Variants in TTLL5 observed in about 807,000 individuals in gnomAD.
TTLL5 encodes tubulin polyglutamylase TTLL5.
In TTLL5, 132 loss-of-function variants were observed where a neutral mutation model predicts 168.4. The ratio of observed to expected loss-of-function variants is 0.78; its 90% CI spans 0.68 to 0.91. TTLL5 has a LOEUF of 0.91. Among genes scored for constraint, TTLL5 ranks in the 40% least tolerant of loss-of-function variants. TTLL5 has a pLI of 0.00. For synonymous variants in TTLL5, 546 were observed against 558.6 expected, an observed-to-expected ratio of 0.98 and a Z score of 0.32; for missense variants, 1,545 against 1,581.5, an observed-to-expected ratio of 0.98 and a Z score of 0.39.
intron 31 of TTLL5, among the ~76,000 whole-genome samples, chr14:75,918,497 C>T (rs1279912175): frequency 2.6e-5 from 4 of 152,140 alleles, no homozygotes; most frequent in African/African-American, 4.8e-5. Flanking sequence ...GTCCTGTCTA[C>T]TAGTACATGG....
At chr14:75,845,322 T>C (rs1896485315) in intron 28 of TTLL5, among the ~76,000 whole-genome samples, 1 of 152,188 alleles carries the variant, frequency 6.6e-6, no homozygotes, top group Non-Finnish European at 1.5e-5. Flanking sequence ...AATGTACTGG[T>C]CAAGACTGGA....
intron 28 of TTLL5, among the ~76,000 whole-genome samples, chr14:75,859,220 T>G (rs368005136): frequency 2.0e-5 from 3 of 152,188 alleles, no homozygotes; most frequent in African/African-American, 7.2e-5. Context: ...CCAGTATCCA[T>G]TTGATGGAAC....
chr14:75,863,547 T>C, intron 28 of TTLL5, 120 bp from the exon 29 acceptor site: 4 of 959,772 alleles, frequency 4.2e-6, no homozygotes, highest in Non-Finnish European at 6.1e-6. Context: ...ACAAGTAGAT[T>C]TGTAATTCCA....
At chr14:75,700,507 CT>C (rs1183520964) in intron 7 of TTLL5, among the ~76,000 whole-genome samples, 1 of 152,172 alleles carries the variant, frequency 6.6e-6, no homozygotes, top group African/African-American at 2.4e-5. Context: ...TATGAGGCCC[CT>C]CTCAAGTGCT....
At chr14:75,769,522 G>A (rs1227047473) in intron 20 of TTLL5, among the ~76,000 whole-genome samples, 1 of 152,142 alleles carries the variant, frequency 6.6e-6, no homozygotes, top group Admixed American at 6.6e-5. Flanking sequence ...GACGTTTATG[G>A]AAATGGAAAC....
intron 2 of TTLL5, among the ~76,000 whole-genome samples, chr14:75,667,452 T>G (rs138489681): frequency 4.9e-4 from 74 of 152,326 alleles, no homozygotes; most frequent in African/African-American, 1.7e-3. Flanking sequence ...CCTGGCTTCA[T>G]GCCCACATTT....
At chr14:75,911,163 G>C (rs2033368103) in intron 31 of TTLL5, among the ~76,000 whole-genome samples, 1 of 152,128 alleles carries the variant, frequency 6.6e-6, no homozygotes, top group South Asian at 2.1e-4. Context: ...GAGTAGCTGG[G>C]ATTACCGGCA....
At chr14:75,698,391 C>A (rs1049096305) in intron 6 of TTLL5, among the ~76,000 whole-genome samples, 1 of 152,132 alleles carries the variant, frequency 6.6e-6, no homozygotes, top group Non-Finnish European at 1.5e-5. Flanking sequence ...TCCACTGGCA[C>A]ATTGCTTGAT....
At position 75,707,106 on chromosome 14, in the gene TTLL5, C is replaced by T. The variant is rs774744165; in HGVS notation, c.655+19C>T. ...ATAGATGGTGAGTTGTGATTAGGCC[C>T]TTGACCAAATTGGGCCAGATTTTTG... is the stretch of plus-strand genomic sequence containing the variant. On this transcript the variant is annotated intron_variant, in intron 8 of 31. Transcript: ENST00000298832. 1.2e-6 allele frequency: 2 copies of T among 1,606,450 alleles called. No individual in the cohort carries two copies. The highest frequency in any genetic ancestry group is 4.5e-5 in the East Asian group (2 of 44,648).
chr14:75,871,497 T>C (rs2031030332), intron 29 of TTLL5, among the ~76,000 whole-genome samples: 1 of 152,032 alleles, frequency 6.6e-6, no homozygotes, highest in African/African-American at 2.4e-5. Flanking sequence ...TACATACTTA[T>C]CAGTCAGATA....
chr14:75,894,405 T>C (rs1371636655), intron 30 of TTLL5, among the ~76,000 whole-genome samples: 1 of 152,008 alleles, frequency 6.6e-6, no homozygotes, highest in Non-Finnish European at 1.5e-5. Context: ...TACAAAAAAT[T>C]AGCTGGGCGT....
At position 75,720,650 on chromosome 14, in the gene TTLL5, T is replaced by G. The variant is rs765872484; in HGVS notation, c.989T>G (p.Leu330Arg). 2 of 1,613,786 alleles carry G rather than the reference T, an allele frequency of 1.2e-6. No homozygotes were observed. Among genetic ancestry groups the G allele is most frequent in the South Asian group, 2.2e-5 (2 of 91,080 alleles). ...LIIKTIISAE[L>R]AIATACKTFV... Reference sequence around the variant, plus strand: ...ATTAAGACTATAATCTCTGCTGAACTAGCTATTGCTACTGCCTGTAAAACC... The same window carrying G: ...ATTAAGACTATAATCTCTGCTGAACGAGCTATTGCTACTGCCTGTAAAACC... The change falls in exon 12 of 32, where the codon CTA becomes CGA. Residue 330 changes from leucine (L) to arginine (R), a missense_variant. By Grantham distance (102) the Leu-to-Arg change is moderately radical (BLOSUM62 -2). Transcript: ENST00000298832.
At chr14:75,888,060 G>T (rs1235431818) in intron 30 of TTLL5, among the ~76,000 whole-genome samples, 2 of 152,166 alleles carry the variant, frequency 1.3e-5, no homozygotes, top group African/African-American at 4.8e-5. Flanking sequence ...GACTCTGAGG[G>T]GCAGGGCCTG....
At chr14:75,795,622 G>A in intron 27 of TTLL5, among the ~76,000 whole-genome samples, 1 of 151,976 alleles carries the variant, frequency 6.6e-6, no homozygotes, top group Non-Finnish European at 1.5e-5. Flanking sequence ...TATAATCCTT[G>A]TACCTTTGTG....
Position 75,683,047 on chromosome 14 carries a change from C to T in TTLL5, c.265-503C>T, listed in dbSNP as rs918979954. Among the ~76,000 whole-genome samples the T allele has an allele frequency of 2.0e-5, 3 of 152,202 alleles. No homozygotes were observed. The East Asian group carries it at 5.8e-4, about 29-fold the overall frequency. ...TCGGCCTCCCAAAGTGCTGAGATTACAGGCATGAGCCACCGCACTTGTCCG... is the reference window on the plus strand; with the variant it reads ...TCGGCCTCCCAAAGTGCTGAGATTATAGGCATGAGCCACCGCACTTGTCCG... On this transcript the variant is annotated intron_variant, in intron 4 of 31. Coordinates refer to ENST00000298832, the MANE Select transcript of TTLL5 (RefSeq NM_015072.5).
rs1247084175 is a variant in TTLL5 at position 75,770,229 on chromosome 14, AT to A, written c.2016-1503del. Among the ~76,000 whole-genome samples, 3 of 151,556 alleles carry A rather than the reference AT, an allele frequency of 2.0e-5. No homozygotes were observed. The South Asian group carries it at 6.3e-4, about 32-fold the overall frequency. On this transcript the variant is annotated intron_variant, in intron 20 of 31. Coordinates refer to ENST00000298832, the MANE Select transcript of TTLL5 (RefSeq NM_015072.5). ...TATAAGTGTATTATTTCAAAACCAT[AT>A]TATGCTCCCATAAAAACCATCCCTG...
At chr14:75,794,406 G>A (rs1892886400) in intron 27 of TTLL5, among the ~76,000 whole-genome samples, 1 of 150,994 alleles carries the variant, frequency 6.6e-6, no homozygotes, top group South Asian at 2.1e-4. Flanking sequence ...TTTATAAATG[G>A]GCAGCTAGAA....
intron 31 of TTLL5, chr14:75,930,640 G>C (rs2034245506): frequency 2.0e-6 from 2 of 985,418 alleles, no homozygotes; most frequent in South Asian, 9.4e-5. Context: ...CAGAGGTCAA[G>C]TGGGAGATAA....
rs547714013 is a variant in TTLL5 at position 75,733,893 on chromosome 14, A to G, written c.1125-96A>G. The G allele has an allele frequency of 1.1e-5, 13 of 1,196,690 alleles. No homozygotes were observed. The East Asian group carries it at 1.9e-4, about 17-fold the overall frequency. The allele number at this position is 1,196,690 out of a possible 1,614,324, so 74.1% of individuals were successfully genotyped here. A position where few individuals can be genotyped will look rare whatever the true frequency, so the allele number is the denominator to read the frequency against. On this transcript the variant is annotated intron_variant, in intron 13 of 31. Transcript: ENST00000298832. ...GCTTTATGTGTTGCTCTTCATTGACATTTGGAAACTTTGCTATATTGGGAC... is the reference window on the plus strand; with the variant it reads ...GCTTTATGTGTTGCTCTTCATTGACGTTTGGAAACTTTGCTATATTGGGAC...
Sources: gnomAD v4.1 joint callset for allele counts (sites outside exome capture counted in the v4.1 genomes callset) on GRCh38, gnomAD v4.1.1 for gene constraint, MANE v1.5 for transcripts, NCBI Gene and HGNC (gene_info 2026-07-23, HGNC 2026-07-21) for gene names.